NLGN1: variants seen among roughly 807,000 people sequenced by gnomAD.
The protein encoded by NLGN1 is neuroligin 1, also known as neuroligin-1.
A neutral mutation model predicts 65.5 loss-of-function variants in NLGN1; 12 were observed. The observed-to-expected ratio is 0.18, with a 90% CI of 0.12 to 0.30. The LOEUF (loss-of-function observed/expected upper bound fraction) is 0.30, where lower values mean the gene tolerates loss of function less well. NLGN1 is among the 10% of genes least tolerant of loss of function. NLGN1 has a pLI of 1.00. For missense variants in NLGN1, 750 were observed against 1,007.1 expected (o/e 0.74, Z 3.46); for synonymous variants, 350 against 359.5 (o/e 0.97, Z 0.30).
chr3:173,652,725 C>T (rs904200653), intron 3 of NLGN1, among the ~76,000 whole-genome samples: 6 of 152,046 alleles, frequency 3.9e-5, no homozygotes, highest in East Asian at 1.9e-4. Flanking sequence ...TTTGGCTATT[C>T]GAGCTCTTTT....
At chr3:173,698,359 A>C (rs1436294275) in intron 3 of NLGN1, among the ~76,000 whole-genome samples, 1 of 152,210 alleles carries the variant, frequency 6.6e-6, no homozygotes, top group African/African-American at 2.4e-5. Context: ...GCACTCAGGT[A>C]GTCTTCTTTC....
At chr3:174,126,272 T>C (rs1449260078) in intron 4 of NLGN1, among the ~76,000 whole-genome samples, 1 of 152,146 alleles carries the variant, frequency 6.6e-6, no homozygotes, top group East Asian at 1.9e-4. Context: ...TTATGTGTGG[T>C]AGCCCTGTCT....
chr3:174,054,864 C>T (rs929869188), intron 4 of NLGN1, among the ~76,000 whole-genome samples: 1 of 151,996 alleles, frequency 6.6e-6, no homozygotes, highest in Admixed American at 6.6e-5. Context: ...TCACTCTCCA[C>T]CAATTAGCAC....
intron 3 of NLGN1, among the ~76,000 whole-genome samples, chr3:173,650,449 A>C (rs1172229619): frequency 6.6e-6 from 1 of 152,158 alleles, no homozygotes; most frequent in African/African-American, 2.4e-5. Flanking sequence ...CACAATGGTT[A>C]TTGTATAGTT....
intron 4 of NLGN1, among the ~76,000 whole-genome samples, chr3:173,893,822 A>G (rs576378185): frequency 2.0e-5 from 3 of 152,308 alleles, no homozygotes; most frequent in South Asian, 2.1e-4. Context: ...TAGCTTGCCT[A>G]TCATTTGTAA....
At chr3:173,642,412 G>T (rs1418977434) in intron 3 of NLGN1, among the ~76,000 whole-genome samples, 1 of 152,146 alleles carries the variant, frequency 6.6e-6, no homozygotes, top group Non-Finnish European at 1.5e-5. Context: ...GCATTGGGGG[G>T]TCTCCCTTGA....
chr3:173,483,618 G>C (rs1348731944), intron 2 of NLGN1, among the ~76,000 whole-genome samples: 1 of 151,990 alleles, frequency 6.6e-6, no homozygotes, highest in African/African-American at 2.4e-5. Context: ...TTTAAAATGT[G>C]AGCAACTTTA....
intron 3 of NLGN1, among the ~76,000 whole-genome samples, chr3:173,643,130 G>A (rs576479382): frequency 2.0e-5 from 3 of 152,182 alleles, no homozygotes; most frequent in Middle Eastern, 3.4e-3. Context: ...AGGATGAAAC[G>A]GAGAAAAGAA....
chr3:174,062,653 C>G (rs1326859901), intron 4 of NLGN1, among the ~76,000 whole-genome samples: 1 of 151,798 alleles, frequency 6.6e-6, no homozygotes, highest in Admixed American at 6.6e-5. Context: ...ACTCATATAG[C>G]CTTGTTATTC....
At chr3:173,639,468 A>G (rs372882369) in intron 3 of NLGN1, among the ~76,000 whole-genome samples, 1 of 152,184 alleles carries the variant, frequency 6.6e-6, no homozygotes, top group Non-Finnish European at 1.5e-5. Context: ...GTGAAAACTG[A>G]TAGGGATAAG....
chr3:173,582,297 T>C (rs933667415), intron 2 of NLGN1, among the ~76,000 whole-genome samples: 5 of 152,062 alleles, frequency 3.3e-5, no homozygotes, highest in Admixed American at 3.3e-4. Flanking sequence ...ATTATTTCTC[T>C]CTCCTACTGT....
At chr3:174,254,306 A>ATTTTTTTTTTTTTTTTTTTTTT (rs371427726) in intron 4 of NLGN1, among the ~76,000 whole-genome samples, 2 of 113,756 alleles carry the variant, frequency 1.8e-5, no homozygotes, top group Non-Finnish European at 3.5e-5. Flanking sequence ...GTCCTTTTTA[A>ATTTTTTTTTTTTTTTTTTTTTT]TTTTTTTTTT....
chr3:173,784,823 C>T (rs2150337964), intron 3 of NLGN1, among the ~76,000 whole-genome samples: 1 of 152,136 alleles, frequency 6.6e-6, no homozygotes. Context: ...ACACATCTGG[C>T]CAGAGAGATA....
At chr3:173,569,830 G>T (rs886187949) in intron 2 of NLGN1, among the ~76,000 whole-genome samples, 6 of 151,234 alleles carry the variant, frequency 4.0e-5, no homozygotes, top group African/African-American at 1.5e-4. Flanking sequence ...TTCAACTGAG[G>T]CCCATTTCTT....
At chr3:173,619,705 A>G (rs548855553) in intron 3 of NLGN1, among the ~76,000 whole-genome samples, 3 of 152,318 alleles carry the variant, frequency 2.0e-5, no homozygotes, top group African/African-American at 4.8e-5. Flanking sequence ...CCAGGATTCA[A>G]TGCCAGATGG....
intron 2 of NLGN1, among the ~76,000 whole-genome samples, chr3:173,524,402 G>T (rs1210924450): frequency 1.3e-5 from 2 of 152,084 alleles, no homozygotes; most frequent in Admixed American, 6.5e-5. Context: ...ACTGATTCTT[G>T]TACATAGATT....
At chr3:173,410,560 G>T (rs1712318966) in intron 1 of NLGN1, among the ~76,000 whole-genome samples, 1 of 152,170 alleles carries the variant, frequency 6.6e-6, no homozygotes, top group South Asian at 2.1e-4. Context: ...TGGAAGGAGG[G>T]ATAAAGCATT....
At chr3:173,707,806 A>G (rs758634327) in intron 3 of NLGN1, among the ~76,000 whole-genome samples, 1 of 152,224 alleles carries the variant, frequency 6.6e-6, no homozygotes, top group Admixed American at 6.5e-5. Context: ...CCTGCTGCCA[A>G]TATTAATCCC....
intron 3 of NLGN1, among the ~76,000 whole-genome samples, chr3:173,720,597 T>G (rs1277896591): frequency 1.3e-5 from 2 of 152,198 alleles, no homozygotes; most frequent in Non-Finnish European, 2.9e-5. Flanking sequence ...ATACCATACC[T>G]TATTAGTAAG....
Sources: allele counts gnomAD v4.1 joint callset (sites outside exome capture counted in the v4.1 genomes callset), GRCh38; gene constraint gnomAD v4.1.1; transcripts MANE v1.5; gene names NCBI Gene and HGNC (gene_info 2026-07-23, HGNC 2026-07-21).